ANKRD28: variants seen among roughly 807,000 people sequenced by gnomAD.
The protein encoded by ANKRD28 is serine/threonine-protein phosphatase 6 regulatory ankyrin repeat subunit A.
ANKRD28 carries 44 observed loss-of-function variants against 126.5 expected under a neutral mutation model. That is an observed-to-expected ratio of 0.35 (90% CI 0.27 to 0.45). The LOEUF (loss-of-function observed/expected upper bound fraction) is 0.45. ANKRD28 is among the 20% of genes least tolerant of loss of function. The pLI is 1.00. For missense variants in ANKRD28, 1,110 were observed against 1,316.6 expected (o/e 0.84, Z 2.43); for synonymous variants, 442 against 468.5 (o/e 0.94, Z 0.73).
intron 4 of ANKRD28, among the ~76,000 whole-genome samples, chr3:15,743,184 C>A (rs560619175): frequency 4.4e-4 from 67 of 151,932 alleles, no homozygotes; most frequent in Non-Finnish European, 7.8e-4. Flanking sequence ...GCAGCATGCT[C>A]GTTAAGAGTC....
chr3:15,794,780 G>C (rs1186595253), intron 2 of ANKRD28, among the ~76,000 whole-genome samples: 2 of 152,062 alleles, frequency 1.3e-5, no homozygotes, highest in Admixed American at 6.6e-5. Flanking sequence ...AAGCAAATCT[G>C]ATCTTATATT....
rs993797986 is a variant in ANKRD28 at position 15,838,874 on chromosome 3, T to C, written c.27+20503A>G. Reference sequence around the variant, plus strand: ...GGAAACAATTCAAATTTCCATCAACTTGTGAATGGATAAACAATATGTGAT... The same window carrying C: ...GGAAACAATTCAAATTTCCATCAACCTGTGAATGGATAAACAATATGTGAT... On this transcript the variant is annotated intron_variant, in intron 1 of 27. Transcript: ENST00000399451. The surrounding 1 kb of genome is among the most constrained non-coding windows in gnomAD (Gnocchi z 4.0). 6.6e-6 allele frequency among the ~76,000 whole-genome samples: 1 copy of C among 152,216 alleles called. No homozygotes were observed. The highest frequency in any genetic ancestry group is 1.5e-5 in the Non-Finnish European group (1 of 68,032).
At position 15,853,780 on chromosome 3, in the gene ANKRD28, G is replaced by T. The variant is rs993026774; in HGVS notation, c.27+5597C>A. 1.3e-5 allele frequency among the ~76,000 whole-genome samples: 2 copies of T among 151,952 alleles called. No individual in the cohort carries two copies. Among genetic ancestry groups the T allele is most frequent in the African/African-American group, 2.4e-5 (1 of 41,354 alleles). ...CACCGCGCCCGGCCCTAAAATCAAT[G>T]TTTAATTGTATTTTCATAATGTTGA... On this transcript the variant is annotated intron_variant, in intron 1 of 27. Coordinates refer to the ANKRD28 transcript ENST00000399451. The surrounding 1 kb of genome is among the most constrained non-coding windows in gnomAD (Gnocchi z 4.2).
At chr3:15,798,227 C>T (rs765980521), upstream of ANKRD28, 24 of 924,318 alleles carry the variant, frequency 2.6e-5, no homozygotes, top group Admixed American at 6.2e-5. Flanking sequence ...TAACTGCTTT[C>T]GTGTGTTACA....
At chr3:15,821,000 A>C (rs1471905489) in intron 1 of ANKRD28, among the ~76,000 whole-genome samples, 2 of 152,132 alleles carry the variant, frequency 1.3e-5, no homozygotes, top group Non-Finnish European at 2.9e-5. Flanking sequence ...CAATGTTGGC[A>C]CTACCAACAT....
At chr3:15,711,355 C>T (rs2072250734) in intron 11 of ANKRD28, 81 bp from the exon 12 acceptor site, 2 of 1,216,900 alleles carry the variant, frequency 1.6e-6, no homozygotes, top group East Asian at 2.4e-5. Context: ...TCAAGAATCA[C>T]ATCCTCCCCT....
chr3:15,694,058 T>A (rs997340299), intron 17 of ANKRD28, among the ~76,000 whole-genome samples: 1 of 152,128 alleles, frequency 6.6e-6, no homozygotes, highest in African/African-American at 2.4e-5. Context: ...AAGTACCCCC[T>A]TCCCTACAAC....
At chr3:15,681,679 T>C (rs368188172) in intron 21 of ANKRD28, among the ~76,000 whole-genome samples, 1 of 152,246 alleles carries the variant, frequency 6.6e-6, no homozygotes, top group Non-Finnish European at 1.5e-5. Flanking sequence ...AAGTAATTTT[T>C]AGAAAAACCT....
upstream of ANKRD28, among the ~76,000 whole-genome samples, chr3:15,798,395 C>T (rs2060372691): frequency 6.6e-6 from 1 of 151,746 alleles, no homozygotes; most frequent in Non-Finnish European, 1.5e-5. Context: ...TTTAATCTGC[C>T]AGGTGTATTT....
intron 1 of ANKRD28, among the ~76,000 whole-genome samples, chr3:15,804,860 C>A (rs2060543248): frequency 6.9e-6 from 1 of 145,218 alleles, no homozygotes; most frequent in African/African-American, 2.6e-5. Flanking sequence ...CAGATGATAG[C>A]AACAAGAAAT....
chr3:15,720,075 G>C (rs2073535148), intron 8 of ANKRD28, among the ~76,000 whole-genome samples: 2 of 151,836 alleles, frequency 1.3e-5, no homozygotes, highest in South Asian at 4.2e-4. Context: ...TGCTGTCCAG[G>C]CTAGTCCTGA....
chr3:15,720,481 TG>T (rs1438946280), intron 8 of ANKRD28, among the ~76,000 whole-genome samples: 1 of 152,214 alleles, frequency 6.6e-6, no homozygotes, highest in Non-Finnish European at 1.5e-5. Flanking sequence ...GTTAAACATC[TG>T]TTTAGTATTT....
At position 15,812,099 on chromosome 3, in the gene ANKRD28, G is replaced by A. The variant is rs890325154; in HGVS notation, c.28-16793C>T. Among the ~76,000 whole-genome samples the A allele has an allele frequency of 2.0e-5, 3 of 152,034 alleles. No homozygotes were observed. The highest frequency in any genetic ancestry group is 4.4e-5 in the Non-Finnish European group (3 of 68,008). On this transcript the variant is annotated intron_variant, in intron 1 of 27. Transcript: ENST00000399451. This position sits in a 1 kb window ranked among gnomAD's most constrained non-coding sequence, Gnocchi z 4.1. ...ACCCAGGAGGCTGAGGTTGCAGTGAGCTGAGATTGAGGCACTGCACTCCAG... is the reference window on the plus strand; with the variant it reads ...ACCCAGGAGGCTGAGGTTGCAGTGAACTGAGATTGAGGCACTGCACTCCAG...
chr3:15,672,820 G>A (rs1279063989), intron 27 of ANKRD28, among the ~76,000 whole-genome samples: 1 of 152,210 alleles, frequency 6.6e-6, no homozygotes, highest in African/African-American at 2.4e-5. Flanking sequence ...CTGTCACCCA[G>A]GCTAGAGTGC....
chr3:15,734,835 T>C (rs975013111), intron 6 of ANKRD28, among the ~76,000 whole-genome samples: 10 of 152,200 alleles, frequency 6.6e-5, no homozygotes, highest in African/African-American at 2.4e-4. Flanking sequence ...GGTCACACGG[T>C]TGCATAGGTT....
chr3:15,763,238 G>A (rs1439352074), intron 3 of ANKRD28, among the ~76,000 whole-genome samples: 1 of 152,118 alleles, frequency 6.6e-6, no homozygotes, highest in Non-Finnish European at 1.5e-5. Flanking sequence ...CAAATCATTC[G>A]CCTTCTTTCC....
chr3:15,704,502 T>TA (rs1329617228), intron 14 of ANKRD28, among the ~76,000 whole-genome samples: 2 of 152,074 alleles, frequency 1.3e-5, no homozygotes, highest in South Asian at 2.1e-4. Context: ...AGGGGATTTT[T>TA]AAAAAACCAT....
chr3:15,773,819 A>G (rs2059132923), intron 2 of ANKRD28, among the ~76,000 whole-genome samples: 1 of 152,162 alleles, frequency 6.6e-6, no homozygotes, highest in East Asian at 1.9e-4. Context: ...TTTCTTGTAG[A>G]TATTAAAAAG....
Position 15,723,044 on chromosome 3 carries a change from AACTG to A in ANKRD28, c.783+1334_783+1337del, listed in dbSNP as rs528389134. On this transcript the variant is annotated intron_variant, in intron 7 of 27. Transcript: ENST00000683139. ...AATAGTCACCAGAGTTTACAAATGT[AACTG>A]ACTGTCAATAAAGTCAGTTTTAAAA... 4.6e-5 allele frequency among the ~76,000 whole-genome samples: 7 copies of A among 152,380 alleles called. No individual in the cohort carries two copies. In the South Asian group the frequency reaches 8.3e-4, roughly 18 times the overall value.
Sources: gnomAD v4.1 joint callset for allele counts (sites outside exome capture counted in the v4.1 genomes callset) on GRCh38, gnomAD v4.1.1 for gene constraint, Gnocchi (gnomAD v3.1) non-coding constraint, MANE v1.5 for transcripts, NCBI Gene and HGNC (gene_info 2026-07-23, HGNC 2026-07-21) for gene names.